AAK1: variants seen among roughly 807,000 people sequenced by gnomAD.
AAK1 encodes the protein AP2-associated protein kinase 1.
A neutral mutation model predicts 116.0 loss-of-function variants in AAK1; 37 were observed. The observed-to-expected ratio is 0.32, with a 90% confidence interval of 0.25 to 0.42. The LOEUF (loss-of-function observed/expected upper bound fraction) is 0.42, where lower values mean the gene tolerates loss of function less well. Ranked by LOEUF, AAK1 falls within the 10% of genes least tolerant of loss-of-function variation. AAK1 has a pLI of 1.00. For missense variants in AAK1, 919 were observed against 1,170.6 expected (o/e 0.79, Z 3.14); for synonymous variants, 458 against 439.9 (o/e 1.04, Z -0.51).
At chr2:69,593,996 T>C (rs551008013) in intron 2 of AAK1, among the ~76,000 whole-genome samples, 1 of 152,380 alleles carries the variant, frequency 6.6e-6, no homozygotes, top group East Asian at 1.9e-4. Context: ...GTATTGCTTT[T>C]AATTCAACAG....
At chr2:69,549,530 T>C (rs780798560) in intron 3 of AAK1, among the ~76,000 whole-genome samples, 1 of 152,220 alleles carries the variant, frequency 6.6e-6, no homozygotes. Context: ...TGCTACATTC[T>C]TTTTATAAGA....
chr2:69,521,725 C>T (rs1447442187), intron 10 of AAK1, among the ~76,000 whole-genome samples: 2 of 152,194 alleles, frequency 1.3e-5, no homozygotes, highest in Admixed American at 6.5e-5. Context: ...AGAAGATTAT[C>T]AGGTGGCAGT....
At chr2:69,523,703 A>G (rs999839819) in intron 10 of AAK1, among the ~76,000 whole-genome samples, 13 of 152,254 alleles carry the variant, frequency 8.5e-5, no homozygotes, top group African/African-American at 2.4e-4. Flanking sequence ...CAGCTGCTGC[A>G]TTCCCAAAAT....
At chr2:69,580,699 T>G (rs867864713) in intron 2 of AAK1, among the ~76,000 whole-genome samples, 3 of 152,234 alleles carry the variant, frequency 2.0e-5, no homozygotes, top group Non-Finnish European at 2.9e-5. Flanking sequence ...TTTAAGTAGA[T>G]AACTGTTAAT....
chr2:69,546,092 G>C (rs2105060398), intron 3 of AAK1, among the ~76,000 whole-genome samples: 1 of 150,604 alleles, frequency 6.6e-6, no homozygotes, highest in African/African-American at 2.5e-5. Flanking sequence ...ACTGGTCTTA[G>C]GGTAACTTTT....
At chr2:69,552,736 A>T (rs1049808255) in intron 3 of AAK1, among the ~76,000 whole-genome samples, 1 of 152,130 alleles carries the variant, frequency 6.6e-6, no homozygotes, top group Non-Finnish European at 1.5e-5. Flanking sequence ...AAAAAACTCA[A>T]AATGGCTCAT....
At chr2:69,559,767 T>C (rs1472762927) in intron 2 of AAK1, among the ~76,000 whole-genome samples, 2 of 152,170 alleles carry the variant, frequency 1.3e-5, no homozygotes, top group Non-Finnish European at 2.9e-5. Context: ...CAGCTGACAA[T>C]GTTGTGAAAC....
chr2:69,613,310 G>A (rs1674168188), intron 2 of AAK1, among the ~76,000 whole-genome samples: 1 of 152,172 alleles, frequency 6.6e-6, no homozygotes, highest in South Asian at 2.1e-4. Flanking sequence ...AACCCTTGTA[G>A]TAATTTCCTG....
intron 2 of AAK1, among the ~76,000 whole-genome samples, chr2:69,571,330 G>C (rs1216632027): frequency 6.6e-6 from 1 of 152,208 alleles, no homozygotes; most frequent in Non-Finnish European, 1.5e-5. Flanking sequence ...AGACTAGGCT[G>C]ATGGCTGCTA....
chr2:69,589,442 C>T (rs1252889871), intron 2 of AAK1, among the ~76,000 whole-genome samples: 1 of 152,032 alleles, frequency 6.6e-6, no homozygotes, highest in African/African-American at 2.4e-5. Context: ...GGCACAGTGG[C>T]TCATGCCTGT....
At chr2:69,583,554 TTGTATGTCTAC>T (rs1482505037) in intron 2 of AAK1, among the ~76,000 whole-genome samples, 6 of 152,354 alleles carry the variant, frequency 3.9e-5, no homozygotes, top group Admixed American at 3.9e-4. Flanking sequence ...AAGTCACTCC[TTGTATGTCTAC>T]TGTACAAGCA....
intron 2 of AAK1, among the ~76,000 whole-genome samples, chr2:69,624,184 A>C (rs1443904702): frequency 1.3e-5 from 2 of 152,222 alleles, no homozygotes; most frequent in African/African-American, 2.4e-5. Context: ...TTGCATCAAA[A>C]GGTAAAATAA....
At chr2:69,572,511 C>T (rs1178727319) in intron 2 of AAK1, among the ~76,000 whole-genome samples, 1 of 149,076 alleles carries the variant, frequency 6.7e-6, no homozygotes, top group Non-Finnish European at 1.5e-5. Flanking sequence ...CCCAGCTACT[C>T]GGGAGGCTGA....
At chr2:69,553,876 G>A (rs1671286033) in intron 3 of AAK1, among the ~76,000 whole-genome samples, 1 of 150,936 alleles carries the variant, frequency 6.6e-6, no homozygotes, top group East Asian at 2.0e-4. Flanking sequence ...AAGAGTGTGA[G>A]ACCAGCCTGG....
chr2:69,465,810 T>C lies in AAK1; in HGVS notation c.*10059A>G, dbSNP rs1451406249. The C allele has an allele frequency of 1.5e-6, 2 of 1,290,702 alleles. No homozygotes were observed. The highest frequency in any genetic ancestry group is 3.0e-5 in the African/African-American group (2 of 65,804). 80.0% of individuals were successfully genotyped at this position (1,290,702 alleles called of 1,614,324 possible). ...TACAGAATGGGACAGGAGGTTAGACTGTTGCACAAAACCAGCTGTGGAATA... is the reference window on the plus strand; with the variant it reads ...TACAGAATGGGACAGGAGGTTAGACCGTTGCACAAAACCAGCTGTGGAATA... On this transcript the variant is annotated 3_prime_UTR_variant, in exon 22 of 22. Transcript: ENST00000409085.
At chr2:69,573,539 G>A (rs1215544388) in intron 2 of AAK1, among the ~76,000 whole-genome samples, 1 of 152,232 alleles carries the variant, frequency 6.6e-6, no homozygotes, top group Admixed American at 6.5e-5. Context: ...TCGGCAAGTA[G>A]TCTCAGTGAG....
In AAK1 at chr2:69,519,357, G is replaced by A. The variant is rs1669648424; in HGVS notation, c.1211-117C>T. The A allele has an allele frequency of 7.4e-6, 10 of 1,348,590 alleles. No individual in the cohort carries two copies. The South Asian group carries it at 1.3e-4, about 17-fold the overall frequency. 83.5% of individuals were successfully genotyped at this position (1,348,590 alleles called of 1,614,324 possible). On this transcript the variant is annotated intron_variant, in intron 11 of 21. Transcript: ENST00000409085. Reference sequence around the variant, plus strand: ...AAGTGTGCAGAGTATCTCAAGATTCGTGTCCTCCTCACTGTCTTTCCACAT... The same window carrying A: ...AAGTGTGCAGAGTATCTCAAGATTCATGTCCTCCTCACTGTCTTTCCACAT...
intron 15 of AAK1, among the ~76,000 whole-genome samples, chr2:69,505,974 C>T (rs575757582): frequency 6.6e-6 from 1 of 152,362 alleles, no homozygotes; most frequent in Admixed American, 6.5e-5. Flanking sequence ...CGGAACTGCA[C>T]ATTTAATGCC....
At chr2:69,514,442 T>G in intron 13 of AAK1, 29 bp downstream of exon 13, 1 of 1,505,914 alleles carries the variant, frequency 6.6e-7, no homozygotes, top group Non-Finnish European at 8.9e-7. Flanking sequence ...TCTGCTGCTT[T>G]TGTGCTCTGA....
Sources: gnomAD v4.1 joint callset for allele counts (sites outside exome capture counted in the v4.1 genomes callset) on GRCh38, gnomAD v4.1.1 for gene constraint, MANE v1.5 for transcripts, NCBI Gene and HGNC (gene_info 2026-07-23, HGNC 2026-07-21) for gene names.